The following TNIK variants were observed in gnomAD, a reference collection of about 807,000 sequenced individuals.
TNIK encodes the protein TRAF2 and NCK interacting kinase.
In TNIK, 49 loss-of-function variants were observed where a neutral mutation model predicts 191.3. The observed-to-expected ratio is 0.26, with a 90% CI of 0.20 to 0.32. TNIK has a LOEUF of 0.32. Among genes scored for constraint, TNIK ranks in the 10% least tolerant of loss-of-function variants. The probability of loss-of-function intolerance (pLI) is 1.00; values close to 1 mark genes in which losing one functional copy is unlikely to be tolerated. For synonymous variants in TNIK, 594 were observed against 600.9 expected (o/e 0.99, Z 0.17); for missense variants, 1,155 against 1,702.3 (o/e 0.68, Z 5.66).
At chr3:171,302,186 A>AG (rs1024311220) in intron 2 of TNIK, among the ~76,000 whole-genome samples, 5 of 152,116 alleles carry the variant, frequency 3.3e-5, no homozygotes, top group African/African-American at 1.2e-4. Context: ...GGCAATGCTA[A>AG]GGGGCCACTT....
chr3:171,090,398 G>A (rs1392463851), intron 23 of TNIK, among the ~76,000 whole-genome samples: 2 of 147,956 alleles, frequency 1.4e-5, no homozygotes, highest in African/African-American at 5.0e-5. Flanking sequence ...CTTAAAAAAT[G>A]TTCTTTTTTT....
Position 171,140,471 on chromosome 3 carries a change from C to G in TNIK, c.1260G>C (p.Glu420Asp), listed in dbSNP as rs1442823524. 1.2e-6 allele frequency: 2 copies of G among 1,613,534 alleles called. No homozygotes were observed. Among genetic ancestry groups the G allele is most frequent in the Middle Eastern group, 1.7e-4 (1 of 6,060 alleles). ...CCTCATAGTGCCGGCGCTGCTCCCT[C>G]TCCTGCTGCTTCCGCAGCTCCTTCT... Reference protein sequence around the residue: ...RREKELRKQQEREQRRHYEEQ... With the variant: ...RREKELRKQQDREQRRHYEEQ... The change falls in exon 13 of 33, where the codon GAG (glutamate) becomes GAC (aspartate). Residue 420 changes from glutamate to aspartate, a missense_variant. Glu to Asp is a conservative substitution (Grantham distance 45, BLOSUM62 2). Around this residue, in one of 3 missense-constraint regions of TNIK, gnomAD observed 735 missense variants for 848.0 expected, o/e 0.87. Coordinates refer to ENST00000436636, the MANE Select transcript of TNIK (RefSeq NM_015028.4).
chr3:171,286,288 T>C (rs1577355007), intron 2 of TNIK, among the ~76,000 whole-genome samples: 1 of 152,218 alleles, frequency 6.6e-6, no homozygotes, highest in African/African-American at 2.4e-5. Context: ...TAACTGAAAA[T>C]AGGACAATTC....
At position 171,416,453 on chromosome 3, in the gene TNIK, A is replaced by G. The variant is rs1723102305; in HGVS notation, c.57+43554T>C. The stretch of plus-strand genomic sequence containing the variant: ...GATGTAGAGGCTCTACTAGATTAAG[A>G]AAAAAAGACTCAGTTGGATCCTGGA... On this transcript the variant is annotated intron_variant, in intron 1 of 32. Coordinates refer to ENST00000436636, the MANE Select transcript of TNIK (RefSeq NM_015028.4). Among the ~76,000 whole-genome samples the G allele has an allele frequency of 3.9e-5, 6 of 152,126 alleles. No homozygotes were observed. The South Asian group carries it at 1.2e-3, about 32-fold the overall frequency.
chr3:171,459,126 CT>C (rs1729105372), intron 1 of TNIK, among the ~76,000 whole-genome samples: 1 of 151,714 alleles, frequency 6.6e-6, no homozygotes, highest in African/African-American at 2.4e-5. Flanking sequence ...GAAACGGCGT[CT>C]GAGGTAATTC....
chr3:171,205,572 C>A (rs78878514), intron 4 of TNIK, among the ~76,000 whole-genome samples: 3,037 of 152,272 alleles, frequency 0.02, 95 homozygotes, highest in African/African-American at 0.07. Context: ...GCAGATCCCC[C>A]CTTCATCAAG....
intron 2 of TNIK, among the ~76,000 whole-genome samples, chr3:171,297,754 AG>A (rs1752466940): frequency 6.6e-6 from 1 of 152,214 alleles, no homozygotes; most frequent in African/African-American, 2.4e-5. Context: ...ATGAAATTTG[AG>A]TTTTATGTTA....
intron 2 of TNIK, among the ~76,000 whole-genome samples, chr3:171,293,575 T>A (rs1350703447): frequency 6.6e-6 from 1 of 152,234 alleles, no homozygotes; most frequent in Non-Finnish European, 1.5e-5. Context: ...TAATAGTGGC[T>A]AGTTTCCCCT....
chr3:171,233,375 T>C (rs1182722940), intron 2 of TNIK, among the ~76,000 whole-genome samples: 3 of 152,012 alleles, frequency 2.0e-5, no homozygotes, highest in Admixed American at 6.6e-5. Context: ...AAAAGCAGAA[T>C]GTAGAATATG....
intron 2 of TNIK, among the ~76,000 whole-genome samples, chr3:171,265,523 G>T (rs1577296611): frequency 6.6e-6 from 1 of 152,190 alleles, no homozygotes; most frequent in Non-Finnish European, 1.5e-5. Context: ...GGCAGACAGA[G>T]ATTTCAAAAC....
At chr3:171,206,702 G>A (rs886901360) in intron 4 of TNIK, among the ~76,000 whole-genome samples, 6 of 151,996 alleles carry the variant, frequency 3.9e-5, no homozygotes, top group African/African-American at 7.3e-5. Flanking sequence ...TTTGAGGCCC[G>A]GGGAAAGTCA....
At chr3:171,107,463 A>C (rs938060091) in intron 20 of TNIK, among the ~76,000 whole-genome samples, 1 of 152,204 alleles carries the variant, frequency 6.6e-6, no homozygotes, top group Non-Finnish European at 1.5e-5. Flanking sequence ...AGAGATTTAA[A>C]TAGAAAAAAT....
chr3:171,149,814 AATC>A (rs1267437491), intron 12 of TNIK, among the ~76,000 whole-genome samples: 13 of 152,204 alleles, frequency 8.5e-5, no homozygotes, highest in African/African-American at 3.1e-4. Context: ...GAAAGTGTTC[AATC>A]TTGTGTTGAT....
At chr3:171,274,430 G>A (rs1236233428) in intron 2 of TNIK, among the ~76,000 whole-genome samples, 1 of 152,186 alleles carries the variant, frequency 6.6e-6, no homozygotes, top group East Asian at 1.9e-4. Flanking sequence ...ATAGCTACTG[G>A]CTGCATAATG....
intron 2 of TNIK, among the ~76,000 whole-genome samples, chr3:171,266,299 C>T (rs59084215): frequency 0.041 from 6,173 of 152,166 alleles, 360 homozygotes; most frequent in African/African-American, 0.14. Flanking sequence ...CCACCCTTCC[C>T]AGGAGGTAAC....
chr3:171,148,862 A>T (rs1398237921), intron 12 of TNIK, among the ~76,000 whole-genome samples: 2 of 152,240 alleles, frequency 1.3e-5, no homozygotes, highest in African/African-American at 4.8e-5. Flanking sequence ...GTTGTTCAAA[A>T]ATAGAATGTG....
At chr3:171,230,023 G>A (rs964899794) in intron 2 of TNIK, among the ~76,000 whole-genome samples, 1 of 152,160 alleles carries the variant, frequency 6.6e-6, no homozygotes, top group Non-Finnish European at 1.5e-5. Flanking sequence ...TGGGCTCAGT[G>A]GTTAGTAGAG....
At chr3:171,254,963 G>A (rs1244268760) in intron 2 of TNIK, among the ~76,000 whole-genome samples, 2 of 152,092 alleles carry the variant, frequency 1.3e-5, no homozygotes, top group African/African-American at 4.8e-5. Flanking sequence ...AAATAAAAAG[G>A]GATTTAGCAT....
Position 171,138,204 on chromosome 3 carries a change from G to A in TNIK, c.1595C>T (p.Ala532Val), listed in dbSNP as rs776213642. The change falls in exon 15 of 33, where the codon GCA (alanine) becomes GTA (valine). Residue 532 changes from alanine (A) to valine (V), a missense_variant. Coordinates refer to ENST00000436636, the MANE Select transcript of TNIK (RefSeq NM_015028.4). The part of the protein sequence containing the change: ...KEGMSPSEKP[A>V]WAKEVEERSR... Reference sequence around the variant, plus strand: ...TTGCTTACTTACCTCCTTGGCCCATGCTGGCTTCTCACTAGGACTCATTCC... The same window carrying A: ...TTGCTTACTTACCTCCTTGGCCCATACTGGCTTCTCACTAGGACTCATTCC... 4 of 1,601,964 alleles carry A rather than the reference G, an allele frequency of 2.5e-6. No homozygotes were observed. Among genetic ancestry groups the A allele is most frequent in the Non-Finnish European group, 2.6e-6 (3 of 1,175,904 alleles).
Sources: allele counts gnomAD v4.1 joint callset (sites outside exome capture counted in the v4.1 genomes callset), GRCh38; gene constraint gnomAD v4.1.1; regional missense constraint gnomAD v4.1.1; transcripts MANE v1.5; gene names NCBI Gene and HGNC (gene_info 2026-07-23, HGNC 2026-07-21).